The following ROCK1 variants were observed in gnomAD, a reference collection of about 807,000 sequenced individuals.
The protein encoded by ROCK1 is rho-associated protein kinase 1.
A neutral mutation model predicts 196.8 loss-of-function variants in ROCK1; 36 were observed. The observed-to-expected ratio is 0.18, with a 90% CI of 0.14 to 0.24. The LOEUF is 0.24. ROCK1 is among the 10% of genes least tolerant of loss of function. ROCK1 has a pLI of 1.00. For synonymous variants in ROCK1, 443 were observed against 515.9 expected (o/e 0.86, Z 1.91); for missense variants, 920 against 1,562.0 (o/e 0.59, Z 6.93).
intron 12 of ROCK1, among the ~76,000 whole-genome samples, 190 bp from the exon 13 acceptor site, chr18:21,015,669 T>C (rs1251676677): frequency 6.6e-6 from 1 of 152,030 alleles, no homozygotes; most frequent in African/African-American, 2.4e-5. Context: ...AAAAATTATA[T>C]ATGATTAAAA....
intron 1 of ROCK1, among the ~76,000 whole-genome samples, chr18:21,074,829 C>A (rs2036415685): frequency 6.6e-6 from 1 of 152,134 alleles, no homozygotes; most frequent in Admixed American, 6.5e-5. Flanking sequence ...GTAGGTACTA[C>A]ATAAATAGAG....
At chr18:21,027,128 G>A (rs138057882) in intron 10 of ROCK1, among the ~76,000 whole-genome samples, 35 of 151,968 alleles carry the variant, frequency 2.3e-4, no homozygotes, top group African/African-American at 7.5e-4. Context: ...TAGTAGAGAC[G>A]GGGTTTCACC....
chr18:20,974,039 G>A (rs1241731127), intron 22 of ROCK1, among the ~76,000 whole-genome samples: 1 of 151,994 alleles, frequency 6.6e-6, no homozygotes, highest in Non-Finnish European at 1.5e-5. Context: ...CAAAGTGCTG[G>A]GATTACAGGC....
chr18:20,972,022 C>CT (rs2035434042), intron 22 of ROCK1, among the ~76,000 whole-genome samples: 1 of 152,058 alleles, frequency 6.6e-6, no homozygotes, highest in African/African-American at 2.4e-5. Flanking sequence ...ATCATTCTGG[C>CT]TGCTGTATTA....
At chr18:21,075,935 G>A (rs531272546) in intron 1 of ROCK1, among the ~76,000 whole-genome samples, 2 of 140,224 alleles carry the variant, frequency 1.4e-5, no homozygotes, top group South Asian at 4.5e-4. Flanking sequence ...CCTGGTGACA[G>A]AGCAAGACTC....
At chr18:20,978,794 G>A (rs1187027531) in intron 22 of ROCK1, among the ~76,000 whole-genome samples, 1 of 152,210 alleles carries the variant, frequency 6.6e-6, no homozygotes, top group Non-Finnish European at 1.5e-5. Context: ...ATAATTAGGA[G>A]GTGGGATATA....
Position 21,015,443 on chromosome 18 carries a change from T to A in ROCK1, c.1398A>T (p.Glu466Asp). 1 of 1,566,268 alleles carries A rather than the reference T, an allele frequency of 6.4e-7. No individual in the cohort carries two copies. The highest frequency in any genetic ancestry group is 8.8e-7 in the Non-Finnish European group (1 of 1,141,232). Residue 466 changes from glutamate to aspartate, a missense_variant, in exon 13 of 33, where the codon GAA becomes GAT. Physicochemically the swap from Glu to Asp is conservative, Grantham distance 45. Transcript: ENST00000399799. ...AAACAAAAAGTACCTCTTCATCCAA[T>A]TCTTTCATTATCTTGTCTAGTTTTA... ...SNIKLDKIMK[E>D]LDEEGNQRRN...
chr18:20,982,466 G>T (rs1254381749), intron 21 of ROCK1, among the ~76,000 whole-genome samples: 1 of 152,156 alleles, frequency 6.6e-6, no homozygotes, highest in East Asian at 1.9e-4. Flanking sequence ...TGGCCAGGCT[G>T]GTCTTGAACT....
intron 13 of ROCK1, among the ~76,000 whole-genome samples, chr18:21,012,189 G>T (rs1425503935): frequency 6.6e-6 from 1 of 152,100 alleles, no homozygotes; most frequent in Non-Finnish European, 1.5e-5. Context: ...GGCATCAAGT[G>T]ATCTGCTCGC....
intron 16 of ROCK1, among the ~76,000 whole-genome samples, chr18:21,003,573 G>C (rs2035744601): frequency 6.6e-6 from 1 of 152,076 alleles, no homozygotes; most frequent in South Asian, 2.1e-4. Context: ...TTTACAAAAG[G>C]ACAATGTGGT....
Position 21,045,323 on chromosome 18 carries a change from C to G in ROCK1, c.559G>C (p.Asp187His), listed in dbSNP as rs2036146642. The change falls in exon 5 of 33, where the codon GAT becomes CAT. Residue 187 changes from aspartate (D) to histidine (H), a missense_variant. Asp to His is a moderately conservative substitution (Grantham distance 81). Around this residue, in one of 6 missense-constraint regions of ROCK1, gnomAD observed 234 missense variants for 460.7 expected, o/e 0.51. Coordinates refer to ENST00000399799, the MANE Select transcript of ROCK1 (RefSeq NM_005406.3). ...ATAAAACCCATGGAATGGATTGCAT[C>G]CAATGCAAGAACTACTTCTGCAGTA... ...FYTAEVVLAL[D>H]AIHSMGFIHR... 6.2e-7 allele frequency: 1 copy of G among 1,610,592 alleles called. No individual in the cohort carries two copies. The highest frequency in any genetic ancestry group is 1.1e-5 in the South Asian group (1 of 90,000).
chr18:20,950,845 G>T lies in ROCK1; in HGVS notation c.*539C>A, dbSNP rs1017739967. ...AACAGTAAGGCTTTTAAATTCTACA[G>T]TGAGGGCACTGAAGTTCAAGTGATA... On this transcript the variant is annotated 3_prime_UTR_variant, in exon 33 of 33. Transcript: ENST00000399799. 6.6e-6 allele frequency: 1 copy of T among 152,470 alleles called. No homozygotes were observed. The highest frequency in any genetic ancestry group is 2.4e-5 in the African/African-American group (1 of 41,390). 9.4% of individuals were successfully genotyped at this position (152,470 alleles called of 1,614,324 possible). A position where few individuals can be genotyped will look rare whatever the true frequency, so the allele number is the denominator to read the frequency against.
chr18:21,006,266 A>C, intron 16 of ROCK1, 85 bp downstream of exon 16: 1 of 1,020,014 alleles, frequency 9.8e-7, no homozygotes, highest in South Asian at 1.6e-5. Context: ...ATTTAATCCC[A>C]CTGAACTGTA....
chr18:20,981,644 A>T (rs1221587209), intron 21 of ROCK1, among the ~76,000 whole-genome samples: 5 of 152,214 alleles, frequency 3.3e-5, no homozygotes, highest in African/African-American at 1.2e-4. Flanking sequence ...AGGGAAAGAA[A>T]TAGCAAGGGC....
At chr18:20,977,457 T>C (rs779936332) in intron 22 of ROCK1, among the ~76,000 whole-genome samples, 2 of 151,980 alleles carry the variant, frequency 1.3e-5, no homozygotes, top group Non-Finnish European at 2.9e-5. Context: ...AATTCTACTT[T>C]CCATCGGTTG....
intron 1 of ROCK1, 78 bp downstream of exon 1, chr18:21,110,740 G>T: frequency 8.6e-7 from 1 of 1,159,400 alleles, no homozygotes; most frequent in Non-Finnish European, 1.3e-6. Flanking sequence ...TGAGACTTTT[G>T]CAGCGAACCA....
chr18:21,105,070 A>G (rs1250128484), intron 1 of ROCK1, among the ~76,000 whole-genome samples: 2 of 152,224 alleles, frequency 1.3e-5, no homozygotes, highest in African/African-American at 4.8e-5. Flanking sequence ...AAATATGACA[A>G]TATTACAAAT....
chr18:21,070,739 C>T, intron 1 of ROCK1, 126 bp from the exon 2 acceptor site: 1 of 560,304 alleles, frequency 1.8e-6, no homozygotes, highest in Non-Finnish European at 3.0e-6. Flanking sequence ...ACATTTAACA[C>T]CCTCTACAAG....
At chr18:21,043,738 C>T (rs2036131244) in intron 6 of ROCK1, among the ~76,000 whole-genome samples, 1 of 151,714 alleles carries the variant, frequency 6.6e-6, no homozygotes, top group Non-Finnish European at 1.5e-5. Flanking sequence ...AAAATACACA[C>T]ATTACTGGAA....
Sources: allele counts gnomAD v4.1 joint callset (sites outside exome capture counted in the v4.1 genomes callset), GRCh38; gene constraint gnomAD v4.1.1; regional missense constraint gnomAD v4.1.1; transcripts MANE v1.5; gene names NCBI Gene and HGNC (gene_info 2026-07-23, HGNC 2026-07-21).